CEP112: variants seen among roughly 807,000 people sequenced by gnomAD.
CEP112 encodes the protein centrosomal protein of 112 kDa.
A neutral mutation model predicts 153.0 loss-of-function variants in CEP112; 127 were observed. The ratio of observed to expected loss-of-function variants is 0.83; its 90% CI spans 0.72 to 0.96. The LOEUF (loss-of-function observed/expected upper bound fraction) is 0.96. Among genes scored for constraint, CEP112 ranks in the 40% least tolerant of loss-of-function variants. CEP112 has a pLI of 0.00. For missense variants in CEP112, 1,089 were observed against 1,101.2 expected (o/e 0.99, Z 0.16); for synonymous variants, 358 against 374.4 (o/e 0.96, Z 0.51).
intron 11 of CEP112, among the ~76,000 whole-genome samples, chr17:66,055,004 C>T (rs374916213): frequency 2.0e-5 from 3 of 152,056 alleles, no homozygotes; most frequent in Non-Finnish European, 2.9e-5. Context: ...GTGATCCACC[C>T]GCCTCAGCCT....
At chr17:66,020,134 A>C (rs1461607896) in intron 16 of CEP112, among the ~76,000 whole-genome samples, 1 of 152,212 alleles carries the variant, frequency 6.6e-6, no homozygotes, top group Non-Finnish European at 1.5e-5. Flanking sequence ...GCAACAGAGC[A>C]GGAAGCCAGG....
chr17:65,729,058 T>G (rs140890707), intron 23 of CEP112, among the ~76,000 whole-genome samples: 76 of 152,358 alleles, frequency 5.0e-4, no homozygotes, highest in African/African-American at 1.8e-3. Flanking sequence ...TATACAATAT[T>G]TTTTCCTTTC....
chr17:65,809,793 T>C (rs1231769100), intron 21 of CEP112, among the ~76,000 whole-genome samples: 2 of 151,520 alleles, frequency 1.3e-5, no homozygotes, highest in Admixed American at 6.6e-5. Flanking sequence ...CATCAGCATA[T>C]AGATGGCATT....
intron 16 of CEP112, among the ~76,000 whole-genome samples, chr17:66,012,780 AGGTT>A (rs2064591588): frequency 6.6e-6 from 1 of 152,200 alleles, no homozygotes; most frequent in African/African-American, 2.4e-5. Context: ...CTCTCTAGCA[AGGTT>A]GGGGAAATTT....
chr17:65,853,558 G>A (rs542514066), intron 20 of CEP112, among the ~76,000 whole-genome samples: 49 of 152,106 alleles, frequency 3.2e-4, no homozygotes, highest in African/African-American at 1.0e-3. Flanking sequence ...GTGAAACCCC[G>A]TCTCTACTGA....
chr17:66,079,415 C>T (rs972772416), intron 8 of CEP112, among the ~76,000 whole-genome samples: 1 of 152,020 alleles, frequency 6.6e-6, no homozygotes, highest in African/African-American at 2.4e-5. Context: ...GCAAACAAAC[C>T]TATTACAACT....
intron 24 of CEP112, among the ~76,000 whole-genome samples, chr17:65,672,280 G>A (rs1438930120): frequency 2.6e-5 from 4 of 152,108 alleles, no homozygotes; most frequent in South Asian, 2.1e-4. Context: ...GCAAAGAGAT[G>A]TAAAGTTCCT....
chr17:65,927,794 CAAT>C (rs1450074143), intron 18 of CEP112, 105 bp from the exon 19 acceptor site: 14 of 531,916 alleles, frequency 2.6e-5, no homozygotes, highest in Non-Finnish European at 4.1e-5. Context: ...AGCACCTCAC[CAAT>C]AATAATGATG....
At chr17:65,971,611 T>G (rs527835622) in intron 17 of CEP112, among the ~76,000 whole-genome samples, 10,030 of 147,540 alleles carry the variant, frequency 0.068, 484 homozygotes, top group African/African-American at 0.14. Flanking sequence ...TGTGTGCATA[T>G]TATATGTATA....
chr17:66,123,917 G>T (rs943588117), intron 6 of CEP112, among the ~76,000 whole-genome samples: 2 of 152,018 alleles, frequency 1.3e-5, no homozygotes, highest in East Asian at 1.9e-4. Flanking sequence ...TAATTATATT[G>T]TAAGGTTCTG....
At chr17:65,848,973 C>T (rs1054547124) in intron 21 of CEP112, among the ~76,000 whole-genome samples, 1 of 152,190 alleles carries the variant, frequency 6.6e-6, no homozygotes, top group Non-Finnish European at 1.5e-5. Context: ...ATCTTGCCAA[C>T]ACCAAGAGGA....
At chr17:65,662,152 A>G (rs2143862085) in intron 24 of CEP112, among the ~76,000 whole-genome samples, 1 of 152,262 alleles carries the variant, frequency 6.6e-6, no homozygotes, top group African/African-American at 2.4e-5. Flanking sequence ...TATTTTTTGT[A>G]GAGACTGGGT....
chr17:65,994,922 T>TGCCTCTAAGGGCTCCACCATC (rs1419626747), intron 17 of CEP112, among the ~76,000 whole-genome samples: 1 of 152,172 alleles, frequency 6.6e-6, no homozygotes, highest in Non-Finnish European at 1.5e-5. Context: ...GTGAGAATGC[T>TGCCTCTAAGGGCTCCACCATC]GCCTCTAAGG....
At chr17:65,921,254 C>A (rs539875260) in intron 19 of CEP112, among the ~76,000 whole-genome samples, 1 of 152,252 alleles carries the variant, frequency 6.6e-6, no homozygotes, top group East Asian at 1.9e-4. Flanking sequence ...AGCCTGGCTG[C>A]CCTGTTCAAA....
chr17:65,833,652 C>T (rs548117664), intron 21 of CEP112, among the ~76,000 whole-genome samples: 5 of 151,990 alleles, frequency 3.3e-5, no homozygotes, highest in South Asian at 2.1e-4. Flanking sequence ...CAGCTAACCA[C>T]GGAGGTAAAA....
At chr17:65,965,732 G>C (rs2062391164) in intron 17 of CEP112, among the ~76,000 whole-genome samples, 1 of 151,912 alleles carries the variant, frequency 6.6e-6, no homozygotes, top group South Asian at 2.1e-4. Context: ...AAGTTGCCCA[G>C]GCTGGTCTCA....
At chr17:65,637,426 C>G (rs977101469) in intron 25 of CEP112, among the ~76,000 whole-genome samples, 2 of 152,212 alleles carry the variant, frequency 1.3e-5, no homozygotes, top group East Asian at 1.9e-4. Flanking sequence ...TGATCTGGCC[C>G]ACCCCCATCA....
intron 17 of CEP112, among the ~76,000 whole-genome samples, chr17:65,973,117 A>T (rs908927164): frequency 1.3e-5 from 2 of 152,228 alleles, no homozygotes; most frequent in African/African-American, 4.8e-5. Context: ...AAATTACTAA[A>T]AAGTGATCAA....
chr17:65,780,505 C>T (rs1483211694), intron 21 of CEP112, among the ~76,000 whole-genome samples: 2 of 152,058 alleles, frequency 1.3e-5, no homozygotes, highest in Non-Finnish European at 1.5e-5. Context: ...AATTTATCCT[C>T]AAAGACCAAA....
Sources: allele counts gnomAD v4.1 joint callset (sites outside exome capture counted in the v4.1 genomes callset), GRCh38; gene constraint gnomAD v4.1.1; transcripts MANE v1.5; gene names NCBI Gene and HGNC (gene_info 2026-07-23, HGNC 2026-07-21).